Variants in THSD7A observed in about 807,000 individuals in gnomAD.
THSD7A encodes thrombospondin type-1 domain-containing protein 7A.
THSD7A carries 96 observed loss-of-function variants against 231.3 expected under a neutral mutation model. The ratio of observed to expected loss-of-function variants is 0.41; its 90% CI spans 0.35 to 0.49. THSD7A has a LOEUF of 0.49. Among genes scored for constraint, THSD7A ranks in the 20% least tolerant of loss-of-function variants. The pLI is 0.05. For synonymous variants in THSD7A, 940 were observed against 743.3 expected (o/e 1.26, Z -4.30); for missense variants, 2,290 against 2,070.2 (o/e 1.11, Z -2.06).
At chr7:11,606,528 T>G (rs1190858418) in intron 2 of THSD7A, among the ~76,000 whole-genome samples, 3 of 152,154 alleles carry the variant, frequency 2.0e-5, no homozygotes, top group Non-Finnish European at 4.4e-5. Flanking sequence ...TAAGAATATA[T>G]TATCTGTAAA....
intron 17 of THSD7A, 128 bp from the exon 18 acceptor site, chr7:11,412,928 C>CTCA (rs1371251505): frequency 5.5e-6 from 5 of 904,856 alleles, no homozygotes; most frequent in Non-Finnish European, 3.3e-6. Flanking sequence ...GTCAGTCAAC[C>CTCA]TCATTATGCC....
intron 6 of THSD7A, among the ~76,000 whole-genome samples, chr7:11,521,187 T>C (rs548761377): frequency 2.6e-5 from 4 of 151,648 alleles, no homozygotes; most frequent in Non-Finnish European, 4.4e-5. Flanking sequence ...AATACATACA[T>C]ACTAAGACAA....
chr7:11,796,566 C>G (rs1217061835), intron 1 of THSD7A, among the ~76,000 whole-genome samples: 3 of 151,514 alleles, frequency 2.0e-5, no homozygotes, highest in Non-Finnish European at 3.0e-5. Flanking sequence ...TTGATGTTTT[C>G]AATAAAATGT....
rs1211950382 is a variant in THSD7A at position 11,541,429 on chromosome 7, G to A, written c.1812C>T (p.Ile604=). ...ATACGTCTGTCTTACCATCACTGTT[G>A]ATGCACACAACCTCTTGAACTTGCG... ...PGTQVQEVVC[I]NSDGEEVDRQ... is the part of the protein sequence containing the mutation. The change falls in exon 6 of 28, where the codon ATC becomes ATT. Residue 604 remains isoleucine (I), a synonymous_variant. Transcript: ENST00000423059. 1.9e-6 allele frequency: 3 copies of A among 1,613,900 alleles called. No individual in the cohort carries two copies. The Admixed American group carries it at 5.0e-5, about 27-fold the overall frequency.
At chr7:11,830,301 C>A (rs1785156030) in intron 1 of THSD7A, among the ~76,000 whole-genome samples, 1 of 152,154 alleles carries the variant, frequency 6.6e-6, no homozygotes, top group Non-Finnish European at 1.5e-5. Flanking sequence ...TTCAACTAGG[C>A]AACTACTATT....
Position 11,541,464 on chromosome 7 carries a change from C to G in THSD7A, c.1777G>C (p.Gly593Arg). 1 of 1,613,962 alleles carries G rather than the reference C, an allele frequency of 6.2e-7. No individual in the cohort carries two copies. Among genetic ancestry groups the G allele is most frequent in the Non-Finnish European group, 8.5e-7 (1 of 1,179,872 alleles). ...NCEPDNGKEC[G>R]PGTQVQEVVC... Reference sequence around the variant, plus strand: ...ACCTCTTGAACTTGCGTGCCTGGACCACACTCCTTTCCGTTATCTGGCTCG... The same window carrying G: ...ACCTCTTGAACTTGCGTGCCTGGACGACACTCCTTTCCGTTATCTGGCTCG... Residue 593 changes from glycine (G) to arginine (R), a missense_variant, in exon 6 of 28, where the codon GGT becomes CGT. Transcript: ENST00000423059.
intron 1 of THSD7A, among the ~76,000 whole-genome samples, chr7:11,642,792 A>C (rs1295123415): frequency 6.6e-6 from 1 of 152,096 alleles, no homozygotes; most frequent in Non-Finnish European, 1.5e-5. Flanking sequence ...TAAAATAATG[A>C]ATTTATTTTT....
At chr7:11,736,533 C>T (rs1184170798) in intron 1 of THSD7A, among the ~76,000 whole-genome samples, 1 of 151,432 alleles carries the variant, frequency 6.6e-6, no homozygotes, top group East Asian at 2.0e-4. Flanking sequence ...ATATAGAACT[C>T]AATTAGGCTT....
chr7:11,435,235 A>G (rs578181653), intron 13 of THSD7A, among the ~76,000 whole-genome samples: 47 of 152,204 alleles, frequency 3.1e-4, no homozygotes, highest in African/African-American at 9.6e-4. Context: ...AGCAAACTCT[A>G]AAGGCTTCTC....
chr7:11,802,041 T>A lies in THSD7A; in HGVS notation c.190+29716A>T, dbSNP rs556788296. On this transcript the variant is annotated intron_variant, in intron 1 of 27. Transcript: ENST00000423059. Reference sequence around the variant, plus strand: ...CAGCTTTTCTGCCTATTGTGTAGGATGTAACAATTTCTAACCACAAAACTT... The same window carrying A: ...CAGCTTTTCTGCCTATTGTGTAGGAAGTAACAATTTCTAACCACAAAACTT... 3.9e-4 allele frequency among the ~76,000 whole-genome samples: 59 copies of A among 152,334 alleles called. No individual in the cohort carries two copies. The South Asian group carries it at 3.9e-3, about 10-fold the overall frequency.
intron 1 of THSD7A, among the ~76,000 whole-genome samples, chr7:11,806,656 T>C (rs958521758): frequency 6.6e-6 from 1 of 152,168 alleles, no homozygotes; most frequent in Non-Finnish European, 1.5e-5. Context: ...TGTCCAGCAG[T>C]TCTTAGATGA....
chr7:11,483,484 A>G (rs966960284), intron 6 of THSD7A, among the ~76,000 whole-genome samples: 11 of 152,216 alleles, frequency 7.2e-5, no homozygotes, highest in South Asian at 4.1e-4. Flanking sequence ...AATCTGTGGG[A>G]GCTCTCAAAT....
At chr7:11,464,683 T>C (rs915974997) in intron 9 of THSD7A, among the ~76,000 whole-genome samples, 1 of 152,144 alleles carries the variant, frequency 6.6e-6, no homozygotes, top group Non-Finnish European at 1.5e-5. Flanking sequence ...CCATTTATTC[T>C]TATGAAAAGT....
At chr7:11,640,677 G>T (rs547055702) in intron 1 of THSD7A, among the ~76,000 whole-genome samples, 2 of 151,932 alleles carry the variant, frequency 1.3e-5, no homozygotes, top group Admixed American at 6.6e-5. Context: ...ATATTCTCTT[G>T]TCTTCAGAGC....
intron 4 of THSD7A, among the ~76,000 whole-genome samples, chr7:11,588,714 C>CA (rs1780023654): frequency 6.6e-6 from 1 of 152,142 alleles, no homozygotes; most frequent in South Asian, 2.1e-4. Flanking sequence ...ACATAATTGA[C>CA]ATTCCAAAAC....
chr7:11,581,186 ATTGTTAT>A (rs1280771684), intron 4 of THSD7A, among the ~76,000 whole-genome samples: 4 of 152,148 alleles, frequency 2.6e-5, no homozygotes, highest in Non-Finnish European at 4.4e-5. Context: ...TGTAATTAAT[ATTGTTAT>A]TATCATTATC....
Position 11,593,382 on chromosome 7 carries a change from G to T in THSD7A, c.1143C>A (p.Ser381=), listed in dbSNP as rs758339716. ...GTGTCCTTACACGAGTGCCTGCAGG[G>T]GACACCATGTCATGGCATGTTTTTG... ...PCSKTCHDMV[S]PAGTRVRTRT... is the part of the protein sequence containing the mutation. The change falls in exon 3 of 28, where the codon TCC becomes TCA. Residue 381 remains serine (S), a synonymous_variant. Coordinates refer to ENST00000423059, the MANE Select transcript of THSD7A (RefSeq NM_015204.3). The T allele has an allele frequency of 1.9e-6, 3 of 1,613,984 alleles. No homozygotes were observed. Among genetic ancestry groups the T allele is most frequent in the Non-Finnish European group, 2.5e-6 (3 of 1,179,890 alleles).
At chr7:11,510,480 A>T (rs1022193513) in intron 6 of THSD7A, among the ~76,000 whole-genome samples, 1 of 152,166 alleles carries the variant, frequency 6.6e-6, no homozygotes, top group Non-Finnish European at 1.5e-5. Context: ...ACAAAAGAGA[A>T]TTTTAGACCA....
chr7:11,832,052 C>T lies in THSD7A; in HGVS notation c.-106G>A, dbSNP rs1785214208. The T allele has an allele frequency of 1.3e-6, 1 of 741,070 alleles. No homozygotes were observed. Among genetic ancestry groups the T allele is most frequent in the Non-Finnish European group, 1.8e-6 (1 of 552,196 alleles). 45.9% of individuals were successfully genotyped at this position (741,070 alleles called of 1,614,324 possible). A position where few individuals can be genotyped will look rare whatever the true frequency, so the allele number is the denominator to read the frequency against. ...AAGAGTACAGAAAGCAAAGCTCTTT[C>T]CTGCTATTGTTCGCTTCAGATGAGA... On this transcript the variant is annotated 5_prime_UTR_variant, in exon 1 of 28. Transcript: ENST00000423059.
Sources: allele counts gnomAD v4.1 joint callset (sites outside exome capture counted in the v4.1 genomes callset), GRCh38; gene constraint gnomAD v4.1.1; transcripts MANE v1.5; gene names NCBI Gene and HGNC (gene_info 2026-07-23, HGNC 2026-07-21).